The following STX18 variants were observed in gnomAD, a reference collection of about 807,000 sequenced individuals.
The protein encoded by STX18 is syntaxin-18.
A neutral mutation model predicts 50.1 loss-of-function variants in STX18; 40 were observed. That is an observed-to-expected ratio of 0.80 (90% CI 0.62 to 1.04). The LOEUF (loss-of-function observed/expected upper bound fraction) is 1.04, where lower values mean the gene tolerates loss of function less well. STX18 is among the 50% of genes least tolerant of loss of function. STX18 has a pLI of 0.00. For missense variants in STX18, 410 were observed against 415.8 expected (o/e 0.99, Z 0.12); for synonymous variants, 158 against 151.8 (o/e 1.04, Z -0.30).
intron 5 of STX18, among the ~76,000 whole-genome samples, chr4:4,447,372 G>C (rs1190858967): frequency 6.6e-6 from 1 of 151,326 alleles, no homozygotes; most frequent in African/African-American, 2.4e-5. Flanking sequence ...GGCGGATCAC[G>C]AGGTCAGGAG....
At chr4:4,489,349 C>A (rs1728835395) in intron 1 of STX18, among the ~76,000 whole-genome samples, 2 of 132,694 alleles carry the variant, frequency 1.5e-5, no homozygotes, top group Admixed American at 8.5e-5. Flanking sequence ...TTGGAGTGAA[C>A]AAGGCAAGAA....
intron 1 of STX18, among the ~76,000 whole-genome samples, chr4:4,540,797 T>A (rs535820543): frequency 1.3e-5 from 2 of 152,336 alleles, no homozygotes; most frequent in East Asian, 3.9e-4. Context: ...CATTAATGCA[T>A]GCATGACTAC....
chr4:4,480,051 G>A (rs1180313574), intron 1 of STX18, among the ~76,000 whole-genome samples: 3 of 152,210 alleles, frequency 2.0e-5, no homozygotes, highest in Admixed American at 6.5e-5. Context: ...TGACCCATAT[G>A]CGTGAAACAT....
chr4:4,520,598 T>C (rs2108905472), intron 1 of STX18, among the ~76,000 whole-genome samples: 1 of 152,346 alleles, frequency 6.6e-6, no homozygotes, highest in African/African-American at 2.4e-5. Flanking sequence ...ATTCTTGAAG[T>C]TAAAGTTTTG....
intron 1 of STX18, among the ~76,000 whole-genome samples, chr4:4,533,283 T>C (rs1423908349): frequency 2.0e-5 from 3 of 152,198 alleles, no homozygotes; most frequent in Non-Finnish European, 4.4e-5. Flanking sequence ...AAGCCATAAT[T>C]AACATGTGTA....
At chr4:4,457,100 C>T (rs1727120160) in intron 5 of STX18, 91 bp downstream of exon 5, 1 of 1,227,928 alleles carries the variant, frequency 8.1e-7, no homozygotes, top group African/African-American at 1.5e-5. Context: ...AAACACGGTA[C>T]ATTGCATAGG....
At chr4:4,445,226 G>A (rs1221705087) in intron 5 of STX18, among the ~76,000 whole-genome samples, 1 of 152,142 alleles carries the variant, frequency 6.6e-6, no homozygotes, top group Non-Finnish European at 1.5e-5. Context: ...GGCCAACGAG[G>A]TGAAACCTTA....
At chr4:4,434,110 T>C (rs946042508) in intron 7 of STX18, among the ~76,000 whole-genome samples, 1 of 152,230 alleles carries the variant, frequency 6.6e-6, no homozygotes, top group African/African-American at 2.4e-5. Context: ...TGCCGTGTGG[T>C]AGTCACATTC....
intron 1 of STX18, among the ~76,000 whole-genome samples, chr4:4,497,319 A>G (rs1729224871): frequency 1.3e-5 from 2 of 152,248 alleles, no homozygotes; most frequent in Non-Finnish European, 2.9e-5. Flanking sequence ...TAAAATGCTT[A>G]TAATGCACCA....
chr4:4,423,696 A>G (rs1725084865), intron 8 of STX18, 109 bp from the exon 9 acceptor site: 2 of 956,332 alleles, frequency 2.1e-6, no homozygotes, highest in South Asian at 1.4e-5. Context: ...TGGGAGAGAC[A>G]GGGGGCACAC....
At chr4:4,502,926 C>T (rs775921714) in intron 1 of STX18, among the ~76,000 whole-genome samples, 8 of 152,182 alleles carry the variant, frequency 5.3e-5, no homozygotes, top group Non-Finnish European at 8.8e-5. Context: ...CACTATGCTG[C>T]GCTGTCCCGG....
intron 5 of STX18, among the ~76,000 whole-genome samples, chr4:4,445,835 A>G (rs1447813201): frequency 3.3e-5 from 5 of 152,260 alleles, no homozygotes; most frequent in African/African-American, 1.2e-4. Context: ...AGCTGATTCT[A>G]AAATTGATAT....
intron 2 of STX18, among the ~76,000 whole-genome samples, chr4:4,461,146 C>A (rs1727355533): frequency 6.6e-6 from 1 of 152,126 alleles, no homozygotes; most frequent in Admixed American, 6.5e-5. Flanking sequence ...TTGAAAAGGT[C>A]TAAAGGTTAA....
chr4:4,541,373 A>C (rs918377781), intron 1 of STX18, among the ~76,000 whole-genome samples: 14 of 152,196 alleles, frequency 9.2e-5, no homozygotes, highest in African/African-American at 3.4e-4. Context: ...TTTAATCTCA[A>C]CTAGGGGTGG....
chr4:4,494,462 C>A lies in STX18; in HGVS notation c.169-22756G>T, dbSNP rs1032327275. ...TTCACTTACAAGGCAATGGATTTAG[C>A]ATTCATTTCTGATGACTACATTACA... is the stretch of plus-strand genomic sequence containing the variant. On this transcript the variant is annotated intron_variant, in intron 1 of 10. Coordinates refer to ENST00000306200, the MANE Select transcript of STX18 (RefSeq NM_016930.4). Among the ~76,000 whole-genome samples, 6 of 152,122 alleles carry A rather than the reference C, an allele frequency of 3.9e-5. No individual in the cohort carries two copies. In the South Asian group the frequency reaches 1.0e-3, roughly 26 times the overall value.
chr4:4,477,070 AAC>A (rs1728217010), intron 1 of STX18, among the ~76,000 whole-genome samples: 3 of 151,806 alleles, frequency 2.0e-5, no homozygotes, highest in Admixed American at 1.3e-4. Context: ...AAAAAACCAA[AAC>A]AACAAAACAA....
intron 1 of STX18, among the ~76,000 whole-genome samples, chr4:4,474,422 C>A (rs960541417): frequency 4.2e-4 from 64 of 152,222 alleles, no homozygotes; most frequent in South Asian, 8.3e-4. Context: ...AAGGATTATA[C>A]CTGCTACCGT....
chr4:4,469,915 G>A (rs1381727272), intron 2 of STX18, among the ~76,000 whole-genome samples: 1 of 152,126 alleles, frequency 6.6e-6, no homozygotes, highest in African/African-American at 2.4e-5. Flanking sequence ...ATGCCACCTC[G>A]ATGGGGCCTT....
chr4:4,537,265 C>T (rs748458088), intron 1 of STX18, among the ~76,000 whole-genome samples: 4 of 152,210 alleles, frequency 2.6e-5, no homozygotes, highest in Non-Finnish European at 5.9e-5. Context: ...GAGTTGAAGA[C>T]AGCCAGGCAG....
Sources: allele counts gnomAD v4.1 joint callset (sites outside exome capture counted in the v4.1 genomes callset), GRCh38; gene constraint gnomAD v4.1.1; transcripts MANE v1.5; gene names NCBI Gene and HGNC (gene_info 2026-07-23, HGNC 2026-07-21).